The following CR1 variants were observed in gnomAD, a reference collection of about 807,000 sequenced individuals.
CR1 encodes complement C3b/C4b receptor 1 (Knops blood group).
A neutral mutation model predicts 187.3 loss-of-function variants in CR1; 116 were observed. That is an observed-to-expected ratio of 0.62 (90% confidence interval 0.53 to 0.72). The LOEUF (loss-of-function observed/expected upper bound fraction) is 0.72, where lower values mean the gene tolerates loss of function less well. CR1 is among the 30% of genes least tolerant of loss of function. The pLI, the probability that CR1 is intolerant of heterozygous loss-of-function variation, is 0.00. For missense variants in CR1, 1,731 were observed against 2,110.7 expected (o/e 0.82, Z 3.52); for synonymous variants, 576 against 747.1 (o/e 0.77, Z 3.73).
chr1:207,581,845 G>C, intron 31 of CR1, 73 bp from the exon 32 acceptor site: 1 of 984,854 alleles, frequency 1.0e-6, no homozygotes, highest in Non-Finnish European at 1.6e-6. Flanking sequence ...TTCTCAGGGA[G>C]GAGGTTGAGA....
At chr1:207,638,593 G>C (rs981269952) in intron 46 of CR1, among the ~76,000 whole-genome samples, 1 of 152,200 alleles carries the variant, frequency 6.6e-6, no homozygotes, top group Admixed American at 6.5e-5. Context: ...TTTCCTGTTG[G>C]ATCAGTGCTT....
At chr1:207,619,529 G>A (rs1347922547) in intron 42 of CR1, among the ~76,000 whole-genome samples, 1 of 152,166 alleles carries the variant, frequency 6.6e-6, no homozygotes, top group East Asian at 1.9e-4. Flanking sequence ...TGTGAAGCCA[G>A]ACAGAATTAA....
intron 5 of CR1, among the ~76,000 whole-genome samples, chr1:207,525,459 C>T (rs533600251): frequency 1.7e-4 from 26 of 152,094 alleles, no homozygotes; most frequent in African/African-American, 4.1e-4. Flanking sequence ...GGAGCCACCA[C>T]TGCTGCCAGA....
rs187750384 is a variant in CR1 at position 207,589,473 on chromosome 1, C to T, written c.5810+699C>T. Among the ~76,000 whole-genome samples the T allele has an allele frequency of 7.2e-4, 110 of 152,252 alleles. 2 individuals carry two copies. The highest frequency in any genetic ancestry group is 6.5e-3 in the Admixed American group (99 of 15,296). ...ATCCAAAGGTCACCAACATCAAAGA[C>T]CAATGATAGATAAATCCACGAAGAT... On this transcript the variant is annotated intron_variant, in intron 35 of 46. Transcript: ENST00000367049.
chr1:207,581,375 T>C (rs1571556300), intron 31 of CR1, among the ~76,000 whole-genome samples: 1 of 132,520 alleles, frequency 7.5e-6, no homozygotes, highest in Admixed American at 7.1e-5. Context: ...TATACGTATA[T>C]GTATACATAT....
At chr1:207,607,198 A>G in intron 35 of CR1, 53 bp from the exon 36 acceptor site, 1 of 1,341,816 alleles carries the variant, frequency 7.5e-7, no homozygotes, top group Non-Finnish European at 1.1e-6. Context: ...CTAAATGGTG[A>G]GTTAAATGGG....
At chr1:207,520,602 A>G (rs1340820384) in intron 4 of CR1, among the ~76,000 whole-genome samples, 1 of 152,180 alleles carries the variant, frequency 6.6e-6, no homozygotes, top group African/African-American at 2.4e-5. Flanking sequence ...CTTTACTGCC[A>G]TCTTGTGTTT....
intron 29 of CR1, 122 bp from the exon 30 acceptor site, chr1:207,580,117 TG>T: frequency 2.2e-6 from 3 of 1,366,260 alleles, no homozygotes; most frequent in South Asian, 1.4e-5. Flanking sequence ...CAAGTGAATT[TG>T]GGGCCTTGTG....
At chr1:207,522,939 T>G (rs1426400872) in intron 4 of CR1, among the ~76,000 whole-genome samples, 1 of 152,192 alleles carries the variant, frequency 6.6e-6, no homozygotes, top group African/African-American at 2.4e-5. Context: ...ATATGATCAC[T>G]TTTACACAGA....
intron 46 of CR1, among the ~76,000 whole-genome samples, chr1:207,635,541 T>C (rs1463074770): frequency 6.6e-6 from 1 of 151,794 alleles, no homozygotes; most frequent in Non-Finnish European, 1.5e-5. Context: ...TACAATCGGG[T>C]TTTACACCGA....
At chr1:207,602,640 T>C (rs1188678147) in intron 35 of CR1, among the ~76,000 whole-genome samples, 1 of 152,064 alleles carries the variant, frequency 6.6e-6, no homozygotes, top group Non-Finnish European at 1.5e-5. Context: ...TCAAAGTAGT[T>C]GTGGAAATTC....
chr1:207,579,841 A>T (rs1322511628), intron 29 of CR1, among the ~76,000 whole-genome samples: 1 of 152,134 alleles, frequency 6.6e-6, no homozygotes, highest in African/African-American at 2.4e-5. Flanking sequence ...TGAGGCAAGA[A>T]CCCTTCCAGA....
At chr1:207,587,667 G>A (rs531089857) in intron 34 of CR1, 102 bp downstream of exon 34, 2 of 1,176,684 alleles carry the variant, frequency 1.7e-6, no homozygotes, top group Admixed American at 2.5e-5. Context: ...GGGAGGCCAA[G>A]GCTGGCAGAT....
chr1:207,522,168 AC>A (rs1367249136), intron 4 of CR1, among the ~76,000 whole-genome samples: 3 of 152,048 alleles, frequency 2.0e-5, no homozygotes, highest in African/African-American at 7.2e-5. Context: ...GCCTTAGATA[AC>A]CCATCTTCTT....
chr1:207,619,877 C>A lies in CR1; in HGVS notation c.7067-3C>A. 1 of 1,570,376 alleles carries A rather than the reference C, an allele frequency of 6.4e-7. No homozygotes were observed. The highest frequency in any genetic ancestry group is 1.2e-5 in the South Asian group (1 of 84,502). The stretch of plus-strand genomic sequence containing the variant: ...AATTTCTTTCTGATTTGTCTAATTT[C>A]AGAAGTAAATTGTAGCTTCCCACTG... On this transcript the variant is annotated splice_polypyrimidine_tract_variant and splice_region_variant and intron_variant, in intron 42 of 46. Transcript: ENST00000367049.
chr1:207,617,750 G>A (rs1348427858), intron 41 of CR1, among the ~76,000 whole-genome samples: 1 of 150,774 alleles, frequency 6.6e-6, no homozygotes. Flanking sequence ...GCACATGTGT[G>A]GCTGTGACTG....
At position 207,564,495 on chromosome 1, in the gene CR1, T is replaced by C. The variant is rs891943226; in HGVS notation, c.3866+261T>C. Among the ~76,000 whole-genome samples the C allele has an allele frequency of 3.3e-5, 5 of 150,198 alleles. 1 individual carries two copies. The highest frequency in any genetic ancestry group is 1.3e-4 in the African/African-American group (5 of 39,636). On this transcript the variant is annotated intron_variant, in intron 23 of 46. Transcript: ENST00000367049. Reference sequence around the variant, plus strand: ...TAACTAGTGGTTATGAATATATAGGTAACACATTAAGCAAAAAATATCAGC... The same window carrying C: ...TAACTAGTGGTTATGAATATATAGGCAACACATTAAGCAAAAAATATCAGC...
intron 4 of CR1, among the ~76,000 whole-genome samples, chr1:207,518,796 G>T (rs1247579183): frequency 6.6e-6 from 1 of 152,144 alleles, no homozygotes; most frequent in Non-Finnish European, 1.5e-5. Context: ...ATCCAGAATG[G>T]TCACAGCTCG....
chr1:207,634,576 G>C (rs4844383), intron 46 of CR1, among the ~76,000 whole-genome samples: 33,642 of 151,862 alleles, frequency 0.22, 4,535 homozygotes, highest in East Asian at 0.36. Context: ...TGAAATGGAA[G>C]GAGAACGAAG....
Sources: allele counts gnomAD v4.1 joint callset (sites outside exome capture counted in the v4.1 genomes callset), GRCh38; gene constraint gnomAD v4.1.1; transcripts MANE v1.5; gene names NCBI Gene and HGNC (gene_info 2026-07-23, HGNC 2026-07-21).